The following SLC49A3 variants were observed in gnomAD, a reference collection of about 807,000 sequenced individuals.
SLC49A3 encodes solute carrier family 49 member 3, also known as solute carrier family 49 member A3.
In SLC49A3, 50 loss-of-function variants were observed where a neutral mutation model predicts 43.8. That is an observed-to-expected ratio of 1.14 (90% CI 0.91 to 1.45). The LOEUF is 1.45. Ranked by LOEUF, SLC49A3 falls within the 40% of genes most tolerant of loss-of-function variation. SLC49A3 has a pLI of 0.00. For missense variants in SLC49A3, 906 were observed against 774.1 expected (o/e 1.17, Z -2.02); for synonymous variants, 413 against 352.0 (o/e 1.17, Z -1.94).
At chr4:686,344 C>G (rs1189826610) in intron 2 of SLC49A3, 42 bp from the exon 3 acceptor site, 1 of 1,602,012 alleles carries the variant, frequency 6.2e-7, no homozygotes, top group East Asian at 2.2e-5. Context: ...AACGCTGCCA[C>G]CAGCCCAAGT....
At chr4:689,249 G>A (rs868299472), upstream of SLC49A3, 4 of 552,628 alleles carry the variant, frequency 7.2e-6, no homozygotes, top group Non-Finnish European at 1.0e-5. Context: ...GCCACGGGGG[G>A]CCAGTTCCGC....
intron 1 of SLC49A3, chr4:688,764 C>T (rs1741542114): frequency 1.1e-5 from 6 of 559,146 alleles, no homozygotes; most frequent in Admixed American, 4.3e-5. Context: ...GCTGGGACTC[C>T]GTGACTGGCA....
At chr4:678,787 G>A, downstream of SLC49A3, 1 of 1,607,806 alleles carries the variant, frequency 6.2e-7, no homozygotes, top group Non-Finnish European at 8.5e-7. Flanking sequence ...CTGCTTCACT[G>A]GGAGCCCCCA....
In SLC49A3 at chr4:682,908, T is replaced by C; in HGVS notation, c.1152-18A>G. The stretch of plus-strand genomic sequence containing the variant: ...CGGCCTGCCTGGACACACGTGGCCC[T>C]CAGCCCCCGCTGCACTGCCCACCCC... On this transcript the variant is annotated intron_variant, in intron 8 of 9. Coordinates refer to ENST00000322224, the MANE Select transcript of SLC49A3 (RefSeq NM_032219.4). 2 of 1,563,500 alleles carry C rather than the reference T, an allele frequency of 1.3e-6. No homozygotes were observed. Among genetic ancestry groups the C allele is most frequent in the Non-Finnish European group, 1.7e-6 (2 of 1,149,850 alleles).
rs1277884692 is a variant in SLC49A3 at position 684,711 on chromosome 4, G to A, written c.723+8C>T. 1.9e-6 allele frequency: 3 copies of A among 1,610,112 alleles called. No individual in the cohort carries two copies. Among genetic ancestry groups the A allele is most frequent in the Admixed American group, 3.4e-5 (2 of 59,308 alleles). ...TCCACCCTACCCCGGGGATCCCACG[G>A]CACTGACCAGCTTGAGCCCATCCAG... On this transcript the variant is annotated splice_region_variant and intron_variant, in intron 5 of 9. Transcript: ENST00000322224.
At chr4:683,396 G>A (rs369276946) in intron 7 of SLC49A3, 29 bp from the exon 8 acceptor site, 305 of 1,595,934 alleles carry the variant, frequency 1.9e-4, no homozygotes, top group Non-Finnish European at 2.5e-4. Flanking sequence ...CAGGCAGACA[G>A]GTGGAGGGGG....
chr4:689,169 C>T (rs1489128499), upstream of SLC49A3: 2 of 1,276,502 alleles, frequency 1.6e-6, no homozygotes, highest in Non-Finnish European at 2.0e-6. Context: ...CCGCCGGCCG[C>T]CCGGGCTTAA....
downstream of SLC49A3, chr4:676,910 G>T (rs941295798): frequency 3.0e-6 from 3 of 985,246 alleles, no homozygotes; most frequent in African/African-American, 5.2e-5. Flanking sequence ...GAGGCCGCTG[G>T]ACCTGGGGAT....
downstream of SLC49A3, chr4:680,536 AC>A (rs1739358556): frequency 5.0e-6 from 8 of 1,613,484 alleles, no homozygotes; most frequent in East Asian, 1.8e-4. Context: ...ACCATTCTTA[AC>A]GCCTTCAAGA....
At position 689,047 on chromosome 4, in the gene SLC49A3, C is replaced by G; in HGVS notation, c.81G>C (p.Ala27=). The G allele has an allele frequency of 6.3e-7, 1 of 1,586,412 alleles. No individual in the cohort carries two copies. The highest frequency in any genetic ancestry group is 8.5e-7 in the Non-Finnish European group (1 of 1,169,744). Residue 27 remains alanine, a synonymous_variant, in exon 1 of 10, where the codon GCG becomes GCC. Coordinates refer to ENST00000322224, the MANE Select transcript of SLC49A3 (RefSeq NM_032219.4). ...TCGCGAGCAGGAACACCCAGCGGCG[C>G]GCGTAGGTGCGGTGGCCCCGCTGCG... ...LCAQRGHRTY[A]RRWVFLLAIS...
chr4:687,942 C>G (rs534184573), intron 1 of SLC49A3: 4 of 152,170 alleles, frequency 2.6e-5, no homozygotes, highest in Non-Finnish European at 4.4e-5. Context: ...GAGACCATGA[C>G]GACTCTTGGT....
intron 6 of SLC49A3, 95 bp downstream of exon 6, chr4:684,367 TGTCAATGTGGCCCCCGCCAGG>T: frequency 7.2e-7 from 1 of 1,398,092 alleles, no homozygotes; most frequent in Non-Finnish European, 9.8e-7. Context: ...CACAGAAGGG[TGTCAATGTGGCCCCCGCCAGG>T]GTCGGACACT....
chr4:683,191 G>C lies in SLC49A3; in HGVS notation c.1151+19C>G. ...GGGGAGTATCTCTGGGGTTGCAGCA[G>C]GGGCAGATGGACACTCACCCCAGCA... On this transcript the variant is annotated intron_variant, in intron 8 of 9. Transcript: ENST00000322224. The C allele has an allele frequency of 6.2e-7, 1 of 1,612,690 alleles. No homozygotes were observed. The highest frequency in any genetic ancestry group is 8.5e-7 in the Non-Finnish European group (1 of 1,179,862).
intron 5 of SLC49A3, 49 bp from the exon 6 acceptor site, chr4:684,648 A>T (rs1577358870): frequency 6.2e-7 from 1 of 1,609,764 alleles, no homozygotes. Flanking sequence ...CCCTTCCCAA[A>T]CCCATCGCCT....
downstream of SLC49A3, chr4:681,237 C>T (rs1275034994): frequency 4.2e-6 from 6 of 1,442,722 alleles, no homozygotes; most frequent in Admixed American, 2.0e-5. Context: ...GGAGCAGCGC[C>T]GCGGTTAGGA....
upstream of SLC49A3, among the ~76,000 whole-genome samples, chr4:689,769 C>T (rs567352745): frequency 1.4e-4 from 21 of 152,372 alleles, no homozygotes; most frequent in African/African-American, 5.0e-4. Flanking sequence ...CAATGGAGGA[C>T]ACGGCTCTCA....
chr4:688,949 G>A, intron 1 of SLC49A3, 44 bp downstream of exon 1: 1 of 1,568,768 alleles, frequency 6.4e-7, no homozygotes, highest in Non-Finnish European at 8.6e-7. Context: ...CTGGTCCGAG[G>A]GACTGAGGGT....
chr4:689,376 TC>T (rs1379154779), upstream of SLC49A3: 2 of 298,822 alleles, frequency 6.7e-6, no homozygotes, highest in Non-Finnish European at 1.2e-5. Context: ...AGGCTGGAAG[TC>T]CCTGCCACAA....
At position 684,535 on chromosome 4, in the gene SLC49A3, G is replaced by T. The variant is rs572248596; in HGVS notation, c.788C>A (p.Ala263Asp). 6.2e-7 allele frequency: 1 copy of T among 1,613,234 alleles called. No homozygotes were observed. Among genetic ancestry groups the T allele is most frequent in the Non-Finnish European group, 8.5e-7 (1 of 1,179,950 alleles). ...VCLGGMIGIS[A>D]SFSALLEQIL... ...CTGCTCCAGGAGGGCTGAGAAGCTG[G>T]CAGAGATCCCGATCATTCCCCCCAA... The change falls in exon 6 of 10, where the codon GCC (alanine) becomes GAC (aspartate). Residue 263 changes from alanine to aspartate, a missense_variant. Physicochemically the swap from Ala to Asp is moderately radical, Grantham distance 126. Coordinates refer to ENST00000322224, the MANE Select transcript of SLC49A3 (RefSeq NM_032219.4).
Sources: allele counts gnomAD v4.1 joint callset (sites outside exome capture counted in the v4.1 genomes callset), GRCh38; gene constraint gnomAD v4.1.1; transcripts MANE v1.5; gene names NCBI Gene and HGNC (gene_info 2026-07-23, HGNC 2026-07-21).